GALNT11: variants seen among roughly 807,000 people sequenced by gnomAD.
The protein encoded by GALNT11 is UDP-GalNAc:polypeptide N-acetylgalactosaminyltransferase 11.
Under a neutral mutation model 72.7 loss-of-function variants are expected in GALNT11, and 47 were observed. The ratio of observed to expected loss-of-function variants is 0.65; its 90% CI spans 0.51 to 0.82. GALNT11 has a LOEUF of 0.82. GALNT11 is among the 40% of genes least tolerant of loss of function. The pLI is 0.00. For synonymous variants in GALNT11, 270 were observed against 286.6 expected, an observed-to-expected ratio of 0.94 and a Z score of 0.58; for missense variants, 677 against 778.4, an observed-to-expected ratio of 0.87 and a Z score of 1.55.
At chr7:152,065,509 G>A (rs183114220) in intron 1 of GALNT11, among the ~76,000 whole-genome samples, 46 of 152,334 alleles carry the variant, frequency 3.0e-4, no homozygotes, top group Middle Eastern at 3.4e-3. Flanking sequence ...TTTGGAAGGG[G>A]AGAGGCACTC....
intron 1 of GALNT11, among the ~76,000 whole-genome samples, chr7:152,087,854 A>G (rs10244165): frequency 0.064 from 9,725 of 152,294 alleles, 1,072 homozygotes; most frequent in African/African-American, 0.22. Context: ...AGTATCCAAT[A>G]AGATGGACAA....
rs183982192 is a variant in GALNT11, at chr7:152,071,432, G to T, written c.-38-22758G>T. 1.2e-3 allele frequency among the ~76,000 whole-genome samples: 188 copies of T among 152,260 alleles called. No homozygotes were observed. In the East Asian group the frequency reaches 0.026, roughly 21 times the overall value. ...GTTCTGTTCCACCCGGCTCACCGGC[G>T]GTCAGAGTTTAAGGTTATCTCTCTT... is the stretch of plus-strand genomic sequence containing the variant. On this transcript the variant is annotated intron_variant, in intron 1 of 11. Coordinates refer to ENST00000430044, the MANE Select transcript of GALNT11 (RefSeq NM_022087.4).
At chr7:152,029,914 C>G (rs1292812369) in intron 1 of GALNT11, among the ~76,000 whole-genome samples, 1 of 152,210 alleles carries the variant, frequency 6.6e-6, no homozygotes, top group Non-Finnish European at 1.5e-5. Flanking sequence ...TTGTCAGTGG[C>G]CTCAGTGCTT....
intron 1 of GALNT11, among the ~76,000 whole-genome samples, chr7:152,060,795 A>G (rs890140160): frequency 6.6e-6 from 1 of 152,144 alleles, no homozygotes; most frequent in African/African-American, 2.4e-5. Flanking sequence ...CCTACAAAGG[A>G]CATGAACTCA....
At chr7:152,089,575 A>G (rs1047481861) in intron 1 of GALNT11, among the ~76,000 whole-genome samples, 2 of 152,244 alleles carry the variant, frequency 1.3e-5, no homozygotes, top group Non-Finnish European at 2.9e-5. Flanking sequence ...TTTTCTAAAT[A>G]GGTAAAAGTA....
At chr7:152,091,351 C>T (rs909473800) in intron 1 of GALNT11, among the ~76,000 whole-genome samples, 8 of 152,098 alleles carry the variant, frequency 5.3e-5, no homozygotes, top group Non-Finnish European at 7.3e-5. Flanking sequence ...AGCGATTCTC[C>T]TGCCTCAGCC....
At chr7:152,061,885 G>A (rs561268904) in intron 1 of GALNT11, among the ~76,000 whole-genome samples, 1 of 152,280 alleles carries the variant, frequency 6.6e-6, no homozygotes, top group East Asian at 1.9e-4. Context: ...TAGGCTTGTA[G>A]TATAGTTTGA....
intron 2 of GALNT11, among the ~76,000 whole-genome samples, chr7:152,097,300 C>T (rs1267416029): frequency 6.6e-6 from 1 of 152,094 alleles, no homozygotes; most frequent in Non-Finnish European, 1.5e-5. Flanking sequence ...AATGAGATAG[C>T]CATCTCACAC....
At chr7:152,027,004 C>T (rs536536352) in intron 1 of GALNT11, among the ~76,000 whole-genome samples, 3 of 152,178 alleles carry the variant, frequency 2.0e-5, no homozygotes, top group African/African-American at 7.2e-5. Context: ...AATCCCAGCA[C>T]TTTGGAAGGC....
rs2081970394 is a variant in GALNT11, at chr7:152,025,679, G to C, written c.-244G>C. ...CGGCGGACGCGCGGCGCTGGGCGGAGGCAGCGGCTCGGGGACTGGGCGAGG... is the reference window on the plus strand; with the variant it reads ...CGGCGGACGCGCGGCGCTGGGCGGACGCAGCGGCTCGGGGACTGGGCGAGG... On this transcript the variant is annotated 5_prime_UTR_variant, in exon 1 of 12. Transcript: ENST00000430044. 6.6e-6 allele frequency: 1 copy of C among 150,534 alleles called. No homozygotes were observed. Among genetic ancestry groups the C allele is most frequent in the Non-Finnish European group, 1.5e-5 (1 of 67,560 alleles). The allele number at this position is 150,534 out of a possible 1,614,324, so 9.3% of individuals were successfully genotyped here.
chr7:152,120,619 C>T (rs1047650776), intron 10 of GALNT11: 1 of 514,040 alleles, frequency 1.9e-6, no homozygotes. Context: ...TCAGCCACTG[C>T]TTAGGTTTCT....
At chr7:152,062,900 C>A (rs1018567990) in intron 1 of GALNT11, among the ~76,000 whole-genome samples, 7 of 152,170 alleles carry the variant, frequency 4.6e-5, no homozygotes, top group Non-Finnish European at 8.8e-5. Context: ...CATCGGTGTT[C>A]ATCAGGGATA....
chr7:152,087,761 G>A (rs1333615761), intron 1 of GALNT11, among the ~76,000 whole-genome samples: 1 of 152,142 alleles, frequency 6.6e-6, no homozygotes, highest in Non-Finnish European at 1.5e-5. Flanking sequence ...CAGTGCAAAG[G>A]GTGGTGTTTT....
intron 1 of GALNT11, among the ~76,000 whole-genome samples, chr7:152,055,490 T>A (rs2083615293): frequency 6.6e-6 from 1 of 151,496 alleles, no homozygotes. Flanking sequence ...CATTTCATAA[T>A]AAGTTACGAG....
At chr7:152,034,344 C>T (rs1221346318) in intron 1 of GALNT11, among the ~76,000 whole-genome samples, 2 of 152,166 alleles carry the variant, frequency 1.3e-5, no homozygotes, top group Non-Finnish European at 2.9e-5. Context: ...AGGTGTTTCA[C>T]TCCATTTGCC....
At chr7:152,028,073 CAT>C (rs1365632397) in intron 1 of GALNT11, among the ~76,000 whole-genome samples, 1 of 152,184 alleles carries the variant, frequency 6.6e-6, no homozygotes, top group Admixed American at 6.5e-5. Context: ...TGTTACAGCT[CAT>C]AAAGTTAGTG....
chr7:152,079,564 G>T (rs578147131), intron 1 of GALNT11, among the ~76,000 whole-genome samples: 2 of 152,316 alleles, frequency 1.3e-5, no homozygotes, highest in East Asian at 3.9e-4. Context: ...TTGTCTTACA[G>T]AGAAGAGATT....
At position 152,061,448 on chromosome 7, in the gene GALNT11, TC is replaced by T. The variant is rs1234077945; in HGVS notation, c.-38-32741del. ...TTGCCTGTTCACTCTGATGGTAGTT[TC>T]TTTTGCTGTGCAGAAGCTCTTTAGT... On this transcript the variant is annotated intron_variant, in intron 1 of 11. Transcript: ENST00000430044. 3.9e-5 allele frequency among the ~76,000 whole-genome samples: 6 copies of T among 152,208 alleles called. No homozygotes were observed. The East Asian group carries it at 9.6e-4, about 24-fold the overall frequency.
intron 1 of GALNT11, among the ~76,000 whole-genome samples, chr7:152,073,408 C>T (rs1563057393): frequency 6.6e-6 from 1 of 152,180 alleles, no homozygotes; most frequent in Non-Finnish European, 1.5e-5. Context: ...TGGTGTTTAA[C>T]TTTCTGTTCC....
Sources: allele counts gnomAD v4.1 joint callset (sites outside exome capture counted in the v4.1 genomes callset), GRCh38; gene constraint gnomAD v4.1.1; transcripts MANE v1.5; gene names NCBI Gene and HGNC (gene_info 2026-07-23, HGNC 2026-07-21).